HOXC4: variants seen among roughly 807,000 people sequenced by gnomAD.
The protein encoded by HOXC4 is homeobox protein Hox-C4.
Under a neutral mutation model 25.5 loss-of-function variants are expected in HOXC4, and 15 were observed. The observed-to-expected ratio is 0.59, with a 90% CI of 0.39 to 0.91. The LOEUF (loss-of-function observed/expected upper bound fraction) is 0.91, where lower values mean the gene tolerates loss of function less well. Among genes scored for constraint, HOXC4 ranks in the 40% least tolerant of loss-of-function variants. The pLI, the probability that HOXC4 is intolerant of heterozygous loss-of-function variation, is 0.00. For missense variants in HOXC4, 342 were observed against 352.4 expected (o/e 0.97, Z 0.24); for synonymous variants, 165 against 148.0 (o/e 1.11, Z -0.83).
rs1327115046 is a variant in HOXC4 at position 54,054,087 on chromosome 12, A to G, written c.165A>G (p.Pro55=). 7.4e-6 allele frequency: 12 copies of G among 1,613,730 alleles called. No individual in the cohort carries two copies. Among genetic ancestry groups the G allele is most frequent in the Admixed American group, 1.7e-5 (1 of 60,002 alleles). The change falls in exon 1 of 2, where the codon CCA becomes CCG. Residue 55 remains proline, a synonymous_variant. Coordinates refer to ENST00000430889, the MANE Select transcript of HOXC4 (RefSeq NM_153633.3). ...ATCACCACCAGGAGCTGTACCCACC[A>G]CCGCCTCCGCGCCCTAGCTACCCTG... The part of the protein sequence containing the change: ...FQHHHQELYP[P]PPPRPSYPER...
At chr12:54,034,852 G>A (rs962084777) in intron 1 of HOXC4, 7 of 297,390 alleles carry the variant, frequency 2.4e-5, no homozygotes, top group Admixed American at 1.4e-4. Flanking sequence ...CCGAGTTAAG[G>A]TGGGCCCGGC....
intron 1 of HOXC4, among the ~76,000 whole-genome samples, chr12:54,046,158 C>G (rs1937699680): frequency 6.6e-6 from 1 of 152,166 alleles, no homozygotes. Flanking sequence ...GTTCCTCCTC[C>G]CCAGTTGTTC....
chr12:54,034,865 G>T (rs1484920360), intron 1 of HOXC4: 5 of 291,498 alleles, frequency 1.7e-5, no homozygotes, highest in Non-Finnish European at 3.3e-5. Context: ...GGCCCGGCCC[G>T]CGCCACAGGA....
At chr12:54,051,670 C>G (rs1937849011), upstream of HOXC4, among the ~76,000 whole-genome samples, 1 of 152,198 alleles carries the variant, frequency 6.6e-6, no homozygotes, top group South Asian at 2.1e-4. Context: ...TGGGCACTGT[C>G]CTCTTGGAGA....
At chr12:54,030,720 A>C (rs1357258492) in intron 1 of HOXC4, 2 of 152,584 alleles carry the variant, frequency 1.3e-5, no homozygotes, top group East Asian at 3.9e-4. Context: ...GTAGGAGAAA[A>C]TAAATAAATA....
chr12:54,026,183 A>G (rs947216567), intron 1 of HOXC4, among the ~76,000 whole-genome samples: 3 of 152,210 alleles, frequency 2.0e-5, no homozygotes, highest in Admixed American at 6.5e-5. Flanking sequence ...CACTACCCTT[A>G]GGGCAGAAAG....
chr12:54,048,259 ATC>A (rs1314292549), intron 1 of HOXC4, among the ~76,000 whole-genome samples: 12 of 151,990 alleles, frequency 7.9e-5, no homozygotes, highest in Admixed American at 7.2e-4. Flanking sequence ...CATGGTAATG[ATC>A]TGGTATGGCT....
At chr12:54,018,169 T>G (rs1592218506) in intron 1 of HOXC4, among the ~76,000 whole-genome samples, 2 of 145,750 alleles carry the variant, frequency 1.4e-5, no homozygotes, top group Non-Finnish European at 3.0e-5. Flanking sequence ...AGGGTGGGGG[T>G]GGGGGATGCT....
At chr12:54,054,494 G>A (rs998159327) in intron 1 of HOXC4, 133 bp downstream of exon 1, 46 of 649,416 alleles carry the variant, frequency 7.1e-5, no homozygotes, top group Non-Finnish European at 1.1e-4. Flanking sequence ...CTCTGGGTTA[G>A]CACAATTGAA....
intron 1 of HOXC4, among the ~76,000 whole-genome samples, chr12:54,027,363 AG>A (rs1337385928): frequency 6.6e-6 from 1 of 152,144 alleles, no homozygotes; most frequent in African/African-American, 2.4e-5. Flanking sequence ...TGGAGGGGGC[AG>A]GGGGGCTTCT....
At chr12:54,033,916 C>G in intron 1 of HOXC4, 1 of 447,378 alleles carries the variant, frequency 2.2e-6, no homozygotes, top group South Asian at 2.1e-5. Flanking sequence ...GAGCCGGCTC[C>G]GCCGGCGCTT....
upstream of HOXC4, among the ~76,000 whole-genome samples, chr12:54,050,698 C>T (rs116932066): frequency 1.6e-4 from 25 of 152,260 alleles, no homozygotes; most frequent in East Asian, 4.2e-3. Context: ...TGCTATTAAG[C>T]TATAGGAGCC....
Position 54,054,833 on chromosome 12 carries a change from T to C in HOXC4, c.440-17T>C, listed in dbSNP as rs1937936910. The C allele has an allele frequency of 6.4e-7, 1 of 1,572,888 alleles. No individual in the cohort carries two copies. Among genetic ancestry groups the C allele is most frequent in the Non-Finnish European group, 8.7e-7 (1 of 1,148,946 alleles). ...GCTGCCTCTGAACCCCACTATTTGC[T>C]TTTCCCCTCCCCCCAGTGAACCCCA... On this transcript the variant is annotated splice_polypyrimidine_tract_variant and intron_variant, in intron 1 of 1. Transcript: ENST00000430889.
chr12:54,034,439 C>T, intron 1 of HOXC4: 1 of 1,614,234 alleles, frequency 6.2e-7, no homozygotes, highest in South Asian at 1.1e-5. Context: ...GTTCCAGAAC[C>T]GCAGGATGAA....
chr12:54,045,131 C>CA (rs1372532042), intron 1 of HOXC4, among the ~76,000 whole-genome samples: 1 of 152,264 alleles, frequency 6.6e-6, no homozygotes, highest in Non-Finnish European at 1.5e-5. Context: ...CCCAAACCCA[C>CA]AAGCACTAGA....
At chr12:54,037,382 T>C (rs73313201) in intron 1 of HOXC4, among the ~76,000 whole-genome samples, 6,610 of 152,094 alleles carry the variant, frequency 0.043, 464 homozygotes, top group African/African-American at 0.15. Context: ...AAGCAGAGAC[T>C]ATGGAGCCTG....
intron 1 of HOXC4, among the ~76,000 whole-genome samples, chr12:54,023,772 T>C (rs1413344848): frequency 6.6e-6 from 1 of 152,216 alleles, no homozygotes; most frequent in Non-Finnish European, 1.5e-5. Flanking sequence ...GTGTACCTTT[T>C]TGGAATGCGG....
chr12:54,024,100 A>C (rs909340151), intron 1 of HOXC4, among the ~76,000 whole-genome samples: 2 of 152,208 alleles, frequency 1.3e-5, no homozygotes, highest in Non-Finnish European at 2.9e-5. Flanking sequence ...GCCTTAACCA[A>C]ATAGTGTGAT....
At chr12:54,045,836 C>T (rs541122870) in intron 1 of HOXC4, among the ~76,000 whole-genome samples, 1 of 152,280 alleles carries the variant, frequency 6.6e-6, no homozygotes, top group South Asian at 2.1e-4. Flanking sequence ...AATCTAGTCC[C>T]ACTAAGTTAT....
Sources: gnomAD v4.1 joint callset for allele counts (sites outside exome capture counted in the v4.1 genomes callset) on GRCh38, gnomAD v4.1.1 for gene constraint, MANE v1.5 for transcripts, NCBI Gene and HGNC (gene_info 2026-07-23, HGNC 2026-07-21) for gene names.